Variants in ANGPT1 observed in about 807,000 individuals in gnomAD.
ANGPT1 encodes the protein angiopoietin-1.
In ANGPT1, 17 loss-of-function variants were observed where a neutral mutation model predicts 62.2. That is an observed-to-expected ratio of 0.27 (90% CI 0.19 to 0.41). The LOEUF is 0.41. Among genes scored for constraint, ANGPT1 ranks in the 10% least tolerant of loss-of-function variants. ANGPT1 has a pLI of 1.00. For synonymous variants in ANGPT1, 199 were observed against 198.9 expected, an observed-to-expected ratio of 1.00 and a Z score of 0.00; for missense variants, 478 against 594.9, an observed-to-expected ratio of 0.80 and a Z score of 2.04.
At chr8:107,391,645 C>A (rs984698299) in intron 1 of ANGPT1, among the ~76,000 whole-genome samples, 1 of 152,004 alleles carries the variant, frequency 6.6e-6, no homozygotes. Context: ...CCAGCCTGGG[C>A]GACACAGTAA....
intron 1 of ANGPT1, among the ~76,000 whole-genome samples, chr8:107,352,635 C>T (rs1421897577): frequency 1.3e-5 from 2 of 152,074 alleles, no homozygotes; most frequent in Non-Finnish European, 2.9e-5. Context: ...TCTCTTAAAC[C>T]AGAGCATATC....
At chr8:107,422,023 A>G (rs934660224) in intron 1 of ANGPT1, among the ~76,000 whole-genome samples, 1 of 152,150 alleles carries the variant, frequency 6.6e-6, no homozygotes, top group African/African-American at 2.4e-5. Flanking sequence ...ACATTCTTTC[A>G]GTCATTCTAT....
chr8:107,334,156 G>A (rs1356614742), intron 3 of ANGPT1, among the ~76,000 whole-genome samples: 1 of 152,044 alleles, frequency 6.6e-6, no homozygotes, highest in Non-Finnish European at 1.5e-5. Context: ...AGGCCTCCCA[G>A]TTTATGTTAT....
At chr8:107,384,424 T>G (rs1165699460) in intron 1 of ANGPT1, among the ~76,000 whole-genome samples, 1 of 149,482 alleles carries the variant, frequency 6.7e-6, no homozygotes, top group South Asian at 2.1e-4. Flanking sequence ...GGATATTACA[T>G]GTATATGTAT....
At position 107,322,049 on chromosome 8, in the gene ANGPT1, G is replaced by C. The variant is rs756912018; in HGVS notation, c.655C>G (p.Leu219Val). The C allele has an allele frequency of 1.2e-5, 20 of 1,613,902 alleles. No individual in the cohort carries two copies. Among genetic ancestry groups the C allele is most frequent in the Non-Finnish European group, 1.7e-5 (20 of 1,179,908 alleles). The change falls in exon 4 of 9, where the codon CTT (leucine) becomes GTT (valine). Residue 219 changes from leucine (L) to valine (V), a missense_variant. By Grantham distance (32) the Leu-to-Val change is conservative. Transcript: ENST00000517746. ...LDTLKEEKEN[L>V]QGLVTRQTYI... ...GTTTGACGAGTAACCAAGCCTTGAA[G>C]GTTCTCTTTCTCTTCCTTTAAGGTG... is the stretch of plus-strand genomic sequence containing the variant.
Position 107,497,379 on chromosome 8 carries a change from G to A in ANGPT1, c.180C>T (p.Asp60=), listed in dbSNP as rs1219441022. 6.2e-7 allele frequency: 1 copy of A among 1,614,174 alleles called. No individual in the cohort carries two copies. The highest frequency in any genetic ancestry group is 8.5e-7 in the Non-Finnish European group (1 of 1,180,020). ...TCTGCAGAGCGTTTGTGTTGTACTGGTCTGTCGTACTCTCACGACAGTTGC... is the reference window on the plus strand; with the variant it reads ...TCTGCAGAGCGTTTGTGTTGTACTGATCTGTCGTACTCTCACGACAGTTGC... The part of the protein sequence containing the change: ...HDGNCRESTT[D]QYNTNALQRD... Residue 60 remains aspartate, a synonymous_variant, in exon 1 of 9, where the codon GAC becomes GAT. Coordinates refer to ENST00000517746, the MANE Select transcript of ANGPT1 (RefSeq NM_001146.5).
chr8:107,378,927 C>T (rs60082669), intron 1 of ANGPT1, among the ~76,000 whole-genome samples: 1 of 45,188 alleles, frequency 2.2e-5, no homozygotes, highest in African/African-American at 4.7e-5. Context: ...TATATATATA[C>T]ACATACATAT....
intron 1 of ANGPT1, among the ~76,000 whole-genome samples, chr8:107,449,694 C>T (rs185557086): frequency 3.9e-5 from 6 of 152,054 alleles, no homozygotes; most frequent in Admixed American, 6.6e-5. Context: ...GCATGACTTC[C>T]TTGCATTAGC....
At chr8:107,306,044 G>A (rs1814707363) in intron 4 of ANGPT1, among the ~76,000 whole-genome samples, 1 of 151,968 alleles carries the variant, frequency 6.6e-6, no homozygotes. Context: ...TGAGATGGGT[G>A]TATGAATTAC....
chr8:107,326,992 G>T (rs891214394), intron 3 of ANGPT1, among the ~76,000 whole-genome samples: 2 of 151,968 alleles, frequency 1.3e-5, no homozygotes, highest in African/African-American at 4.8e-5. Flanking sequence ...TATTCATCAT[G>T]TTATACCAGG....
intron 1 of ANGPT1, among the ~76,000 whole-genome samples, chr8:107,349,511 T>A (rs924056217): frequency 6.6e-6 from 1 of 152,140 alleles, no homozygotes; most frequent in African/African-American, 2.4e-5. Context: ...TACAGATAAG[T>A]CTCCATTATA....
chr8:107,342,534 C>T (rs1815715915), intron 2 of ANGPT1, among the ~76,000 whole-genome samples: 1 of 152,094 alleles, frequency 6.6e-6, no homozygotes, highest in Non-Finnish European at 1.5e-5. Context: ...CCATAGACAA[C>T]ATATAAATGA....
At chr8:107,447,744 T>C (rs1811656715) in intron 1 of ANGPT1, among the ~76,000 whole-genome samples, 1 of 152,170 alleles carries the variant, frequency 6.6e-6, no homozygotes, top group South Asian at 2.1e-4. Flanking sequence ...GGCAATGAAA[T>C]ATTCTGTAGG....
At chr8:107,309,101 A>G (rs1814789619) in intron 4 of ANGPT1, among the ~76,000 whole-genome samples, 1 of 152,174 alleles carries the variant, frequency 6.6e-6, no homozygotes, top group Non-Finnish European at 1.5e-5. Flanking sequence ...TACCAGAGAC[A>G]GTGTAAAAAG....
chr8:107,382,113 A>C (rs1346473016), intron 1 of ANGPT1, among the ~76,000 whole-genome samples: 5 of 152,278 alleles, frequency 3.3e-5, no homozygotes, highest in Admixed American at 6.5e-5. Context: ...TTAATGGCAA[A>C]ACCCACAATT....
chr8:107,496,552 C>T (rs1247844369), intron 1 of ANGPT1, among the ~76,000 whole-genome samples: 11 of 152,286 alleles, frequency 7.2e-5, no homozygotes, highest in African/African-American at 2.6e-4. Flanking sequence ...GCGTTCAGCC[C>T]ATATCTGCAG....
rs1814934987 is a variant in ANGPT1, at chr8:107,313,534, G to T, written c.808+8362C>A. ...AACTCACTGCAAGCTCCACCTCCCA[G>T]GTTTCTGCCATTCTCCTGCCTCAGC... On this transcript the variant is annotated intron_variant, in intron 4 of 8. Coordinates refer to ENST00000517746, the MANE Select transcript of ANGPT1 (RefSeq NM_001146.5). 4.8e-5 allele frequency among the ~76,000 whole-genome samples: 6 copies of T among 125,862 alleles called. No homozygotes were observed. In the Admixed American group the frequency reaches 6.4e-4, roughly 13 times the overall value. The allele number at this position is 125,862 out of a possible 152,430, so 82.6% of individuals were successfully genotyped here.
chr8:107,438,845 A>G (rs1245605322), intron 1 of ANGPT1, among the ~76,000 whole-genome samples: 2 of 152,230 alleles, frequency 1.3e-5, no homozygotes, highest in Non-Finnish European at 2.9e-5. Context: ...ATTAATAAAT[A>G]TAATAATTAA....
intron 7 of ANGPT1, among the ~76,000 whole-genome samples, chr8:107,279,029 A>G (rs1453997679): frequency 6.6e-6 from 1 of 152,312 alleles, no homozygotes; most frequent in Non-Finnish European, 1.5e-5. Context: ...ATTTCTTCTC[A>G]GCCTCCACAT....
Sources: allele counts gnomAD v4.1 joint callset (sites outside exome capture counted in the v4.1 genomes callset), GRCh38; gene constraint gnomAD v4.1.1; transcripts MANE v1.5; gene names NCBI Gene and HGNC (gene_info 2026-07-23, HGNC 2026-07-21).